The following HS6ST3 variants were observed in gnomAD, a reference collection of about 807,000 sequenced individuals.
HS6ST3 encodes heparan sulfate 6-O-sulfotransferase 3.
HS6ST3 carries 12 observed loss-of-function variants against 36.7 expected under a neutral mutation model. That is an observed-to-expected ratio of 0.33 (90% CI 0.21 to 0.53). HS6ST3 has a LOEUF of 0.53. Among genes scored for constraint, HS6ST3 ranks in the 20% least tolerant of loss-of-function variants. The probability of loss-of-function intolerance (pLI) is 0.95; values close to 1 mark genes in which losing one functional copy is unlikely to be tolerated. For synonymous variants in HS6ST3, 240 were observed against 257.5 expected (o/e 0.93, Z 0.65); for missense variants, 584 against 640.9 (o/e 0.91, Z 0.96).
intron 1 of HS6ST3, among the ~76,000 whole-genome samples, chr13:96,688,023 C>T (rs1019537753): frequency 2.8e-5 from 4 of 142,236 alleles, no homozygotes; most frequent in African/African-American, 1.1e-4. Context: ...ACAATGAGAA[C>T]ACTTGGACAC....
chr13:96,717,798 G>A (rs1490583465), intron 1 of HS6ST3, among the ~76,000 whole-genome samples: 2 of 152,162 alleles, frequency 1.3e-5, no homozygotes, highest in African/African-American at 4.8e-5. Flanking sequence ...CTTACCTCAT[G>A]GAAGGGAATT....
chr13:96,701,007 G>C (rs186100828), intron 1 of HS6ST3, among the ~76,000 whole-genome samples: 2 of 152,226 alleles, frequency 1.3e-5, no homozygotes, highest in East Asian at 3.9e-4. Flanking sequence ...ATAGAATAAA[G>C]GTCACAATTT....
At chr13:96,726,036 C>G (rs1566439131) in intron 1 of HS6ST3, among the ~76,000 whole-genome samples, 1 of 152,112 alleles carries the variant, frequency 6.6e-6, no homozygotes, top group Non-Finnish European at 1.5e-5. Flanking sequence ...CCGGGTTTCG[C>G]CATCTTGGCC....
At chr13:96,475,682 T>C (rs2055861024) in intron 1 of HS6ST3, among the ~76,000 whole-genome samples, 1 of 150,206 alleles carries the variant, frequency 6.7e-6, no homozygotes, top group East Asian at 2.0e-4. Flanking sequence ...TTTCTAATGA[T>C]ATATACTAGT....
chr13:96,093,918 A>G (rs1362994079), intron 1 of HS6ST3, among the ~76,000 whole-genome samples: 1 of 152,172 alleles, frequency 6.6e-6, no homozygotes, highest in Non-Finnish European at 1.5e-5. Context: ...TTGGTACATA[A>G]TGGGAACAAG....
rs193299049 is a variant in HS6ST3 at position 96,628,906 on chromosome 13, A to T, written c.708-203584A>T. Among the ~76,000 whole-genome samples, 84 of 152,060 alleles carry T rather than the reference A, an allele frequency of 5.5e-4. 1 individual carries two copies. Among genetic ancestry groups the T allele is most frequent in the African/African-American group, 1.9e-3 (79 of 41,440 alleles). On this transcript the variant is annotated intron_variant, in intron 1 of 1. Coordinates refer to ENST00000376705, the MANE Select transcript of HS6ST3 (RefSeq NM_153456.4). The stretch of plus-strand genomic sequence containing the variant: ...ACACATGAACGAAATGTGAATCCGT[A>T]TATGTGTGTGTATGTGTCTACTCTA...
intron 1 of HS6ST3, among the ~76,000 whole-genome samples, chr13:96,772,089 T>G (rs935004248): frequency 1.3e-5 from 2 of 151,960 alleles, no homozygotes; most frequent in Admixed American, 1.3e-4. Context: ...GGGGCCAGGG[T>G]TTTATATGGG....
chr13:96,619,435 A>G (rs2056486281), intron 1 of HS6ST3, among the ~76,000 whole-genome samples: 1 of 152,206 alleles, frequency 6.6e-6, no homozygotes, highest in Non-Finnish European at 1.5e-5. Context: ...AGTATTTATC[A>G]AGTGCTGACT....
intron 1 of HS6ST3, among the ~76,000 whole-genome samples, chr13:96,230,971 A>C (rs1408124190): frequency 7.6e-6 from 1 of 131,050 alleles, no homozygotes; most frequent in Non-Finnish European, 1.7e-5. Flanking sequence ...AGGATTAAGA[A>C]GTTAAGGCGG....
chr13:96,184,936 G>A (rs183315560), intron 1 of HS6ST3, among the ~76,000 whole-genome samples: 5 of 152,200 alleles, frequency 3.3e-5, no homozygotes, highest in African/African-American at 1.2e-4. Context: ...GAACATGGTA[G>A]ATATTCAGTG....
chr13:96,355,740 G>T (rs780255443), intron 1 of HS6ST3, among the ~76,000 whole-genome samples: 1 of 152,120 alleles, frequency 6.6e-6, no homozygotes. Flanking sequence ...AAGGTTGGGT[G>T]ACTGTGGTGA....
chr13:96,209,661 T>G (rs867531211), intron 1 of HS6ST3, among the ~76,000 whole-genome samples: 5 of 152,114 alleles, frequency 3.3e-5, no homozygotes, highest in South Asian at 2.1e-4. Context: ...GCCCCACCTC[T>G]CATGCCACCC....
intron 1 of HS6ST3, among the ~76,000 whole-genome samples, chr13:96,653,127 C>A (rs916829241): frequency 6.6e-6 from 1 of 152,086 alleles, no homozygotes; most frequent in African/African-American, 2.4e-5. Flanking sequence ...TATTATTCAG[C>A]TCAGTCTTGA....
At chr13:96,698,919 A>G (rs1409098929) in intron 1 of HS6ST3, among the ~76,000 whole-genome samples, 1 of 152,216 alleles carries the variant, frequency 6.6e-6, no homozygotes, top group East Asian at 1.9e-4. Context: ...CCAATGGAAC[A>G]GAACAGAGCC....
chr13:96,589,462 T>C (rs1391224345), intron 1 of HS6ST3, among the ~76,000 whole-genome samples: 1 of 152,034 alleles, frequency 6.6e-6, no homozygotes, highest in African/African-American at 2.4e-5. Flanking sequence ...ATCTGTTTTG[T>C]TTATCTTTTC....
intron 1 of HS6ST3, among the ~76,000 whole-genome samples, chr13:96,233,218 C>T (rs2054516725): frequency 6.6e-6 from 1 of 152,122 alleles, no homozygotes; most frequent in Non-Finnish European, 1.5e-5. Context: ...AGTGGGACCA[C>T]TATTAGGCTA....
At chr13:96,733,353 T>C (rs1876206594) in intron 1 of HS6ST3, among the ~76,000 whole-genome samples, 2 of 152,220 alleles carry the variant, frequency 1.3e-5, no homozygotes, top group South Asian at 4.1e-4. Flanking sequence ...AATGTTGAAG[T>C]TTGCCAAATG....
intron 1 of HS6ST3, among the ~76,000 whole-genome samples, chr13:96,314,379 T>C (rs1486212215): frequency 2.0e-5 from 3 of 152,216 alleles, no homozygotes; most frequent in Non-Finnish European, 1.5e-5. Context: ...GGGAAATTTT[T>C]ATTCTAGCAA....
intron 1 of HS6ST3, among the ~76,000 whole-genome samples, chr13:96,497,040 A>G (rs1387502572): frequency 1.3e-5 from 2 of 152,140 alleles, no homozygotes; most frequent in Non-Finnish European, 2.9e-5. Context: ...AGCAGGTGGG[A>G]CAAGACAGCA....
Sources: allele counts gnomAD v4.1 joint callset (sites outside exome capture counted in the v4.1 genomes callset), GRCh38; gene constraint gnomAD v4.1.1; transcripts MANE v1.5; gene names NCBI Gene and HGNC (gene_info 2026-07-23, HGNC 2026-07-21).